The following SLC9B2 variants were observed in gnomAD, a reference collection of about 807,000 sequenced individuals.
SLC9B2 encodes solute carrier family 9 member B2.
In SLC9B2, 39 loss-of-function variants were observed where a neutral mutation model predicts 52.2. The ratio of observed to expected loss-of-function variants is 0.75; its 90% CI spans 0.58 to 0.98. SLC9B2 has a LOEUF of 0.98. SLC9B2 is among the 50% of genes least tolerant of loss of function. SLC9B2 has a pLI of 0.00. For synonymous variants in SLC9B2, 214 were observed against 227.0 expected (o/e 0.94, Z 0.51); for missense variants, 626 against 637.5 (o/e 0.98, Z 0.19).
intron 6 of SLC9B2, chr4:103,048,561 A>G (rs1340874207): frequency 5.8e-6 from 1 of 173,530 alleles, no homozygotes; most frequent in African/African-American, 2.4e-5. Context: ...GGAGGAAAAC[A>G]ATAGTAGCTG....
chr4:103,038,771 C>T (rs543516856), intron 9 of SLC9B2, among the ~76,000 whole-genome samples: 16 of 151,676 alleles, frequency 1.1e-4, no homozygotes, highest in African/African-American at 2.9e-4. Flanking sequence ...TCCAAAATAC[C>T]GTATCAACAA....
At chr4:103,065,493 A>G (rs1366994282) in intron 3 of SLC9B2, 4 of 152,202 alleles carry the variant, frequency 2.6e-5, no homozygotes, top group Non-Finnish European at 5.9e-5. Context: ...AATACATACA[A>G]TTTTATCTAT....
In SLC9B2 at chr4:103,050,234, T is replaced by C. The variant is rs1744544954; in HGVS notation, c.585+6A>G. 1.2e-5 allele frequency: 19 copies of C among 1,563,764 alleles called. No homozygotes were observed. The highest frequency in any genetic ancestry group is 2.3e-5 in the East Asian group (1 of 42,914). ...TATTTAATAATGAGAAATTTACATT[T>C]CATACCTTTGAATCCAGACCAAGGC... On this transcript the variant is annotated splice_donor_region_variant and intron_variant, in intron 5 of 11. Coordinates refer to ENST00000394785, the MANE Select transcript of SLC9B2 (RefSeq NM_178833.7).
chr4:103,019,548 G>C, downstream of SLC9B2: 1 of 981,882 alleles, frequency 1.0e-6, no homozygotes, highest in Non-Finnish European at 1.2e-6. Flanking sequence ...GCAGACCCGG[G>C]ACTAGCGCCA....
intron 4 of SLC9B2, 43 bp downstream of exon 4, chr4:103,057,758 A>T: frequency 1.3e-6 from 2 of 1,542,654 alleles, no homozygotes; most frequent in Non-Finnish European, 1.7e-6. Context: ...TATCTTAAAA[A>T]TATAGTTTAC....
At chr4:103,058,140 C>T (rs1213218637) in intron 3 of SLC9B2, among the ~76,000 whole-genome samples, 169 bp from the exon 4 acceptor site, 1 of 152,180 alleles carries the variant, frequency 6.6e-6, no homozygotes, top group Non-Finnish European at 1.5e-5. Context: ...TAACTGCCAA[C>T]ATCTTAAGAA....
downstream of SLC9B2, chr4:103,020,361 A>T (rs1375545534): frequency 1.8e-5 from 8 of 448,222 alleles, no homozygotes; most frequent in Non-Finnish European, 3.6e-5. Context: ...TTTCAGTCCC[A>T]AAGTTTCCAG....
At chr4:103,050,182 C>T (rs1382854108) in intron 5 of SLC9B2, 58 bp downstream of exon 5, 1 of 1,445,086 alleles carries the variant, frequency 6.9e-7, no homozygotes, top group South Asian at 1.5e-5. Context: ...CTGTTAGATA[C>T]CTGAAGCATT....
chr4:103,026,583 T>C lies in SLC9B2; in HGVS notation c.1401A>G (p.Ile467Met). ...TTGCTGTGTCCAAAGCCACAGATCCTATTGCAGCCTATAAAAGTTTAAGGG... is the reference window on the plus strand; with the variant it reads ...TTGCTGTGTCCAAAGCCACAGATCCCATTGCAGCCTATAAAAGTTTAAGGG... ...WLPKATVQAAIGSVALDTARS... is the reference protein window; with the variant it reads ...WLPKATVQAAMGSVALDTARS... Residue 467 changes from isoleucine to methionine, a missense_variant, in exon 12 of 12, where the codon ATA (isoleucine) becomes ATG (methionine). By Grantham distance (10) the Ile-to-Met change is conservative. Coordinates refer to ENST00000394785, the MANE Select transcript of SLC9B2 (RefSeq NM_178833.7). 1 of 1,610,068 alleles carries C rather than the reference T, an allele frequency of 6.2e-7. No individual in the cohort carries two copies. Among genetic ancestry groups the C allele is most frequent in the Non-Finnish European group, 8.5e-7 (1 of 1,177,588 alleles).
chr4:103,068,386 T>C (rs1578482912), intron 1 of SLC9B2, among the ~76,000 whole-genome samples: 1 of 152,176 alleles, frequency 6.6e-6, no homozygotes, highest in African/African-American at 2.4e-5. Flanking sequence ...CAGTTCTACA[T>C]ATGAGATTTA....
At chr4:103,019,544 C>G (rs1037842821), downstream of SLC9B2, 2 of 981,954 alleles carry the variant, frequency 2.0e-6, no homozygotes, top group Non-Finnish European at 2.4e-6. Context: ...CGCGGCAGAC[C>G]CGGGACTAGC....
chr4:103,068,121 T>C (rs930783055), intron 1 of SLC9B2, among the ~76,000 whole-genome samples: 3 of 152,260 alleles, frequency 2.0e-5, no homozygotes, highest in Non-Finnish European at 4.4e-5. Context: ...ATGAGTGCTA[T>C]GGTAGTCACT....
chr4:103,071,027 C>T (rs192127254), intron 1 of SLC9B2, among the ~76,000 whole-genome samples: 78 of 151,882 alleles, frequency 5.1e-4, no homozygotes, highest in Non-Finnish European at 2.9e-5. Flanking sequence ...AGAATATAAG[C>T]AGTTTGATAT....
intron 1 of SLC9B2, among the ~76,000 whole-genome samples, chr4:103,074,720 G>T (rs780385745): frequency 6.6e-6 from 1 of 152,034 alleles, no homozygotes; most frequent in African/African-American, 2.4e-5. Flanking sequence ...AAGAAAAGTT[G>T]GACTTATAAA....
intron 4 of SLC9B2, among the ~76,000 whole-genome samples, chr4:103,052,964 CAT>C (rs999984324): frequency 2.0e-5 from 3 of 152,124 alleles, no homozygotes; most frequent in Non-Finnish European, 4.4e-5. Flanking sequence ...TGATTTGGCA[CAT>C]GTCCCCACTC....
chr4:103,047,409 A>G (rs549150583), intron 6 of SLC9B2, among the ~76,000 whole-genome samples, 183 bp from the exon 7 acceptor site: 6 of 145,094 alleles, frequency 4.1e-5, no homozygotes, highest in African/African-American at 1.5e-4. Context: ...TTTTTTTATT[A>G]TACTTTAAGT....
intron 3 of SLC9B2, among the ~76,000 whole-genome samples, chr4:103,065,140 T>G (rs1156659846): frequency 6.7e-6 from 1 of 150,326 alleles, no homozygotes; most frequent in Admixed American, 6.7e-5. Flanking sequence ...TCTCTAGACT[T>G]TAAATCTGAA....
intron 3 of SLC9B2, among the ~76,000 whole-genome samples, chr4:103,062,076 T>C (rs1050701887): frequency 6.6e-6 from 1 of 152,194 alleles, no homozygotes; most frequent in African/African-American, 2.4e-5. Flanking sequence ...TTATACTTTA[T>C]CATAGCATAA....
At position 103,047,542 on chromosome 4, in the gene SLC9B2, C is replaced by G. The variant is rs113320650; in HGVS notation, c.714-316G>C. ...ATATCTCCTAATGCTATCCCTCCCC[C>G]CCTCCCCCCACCCCACAACAGGCCC... On this transcript the variant is annotated intron_variant, in intron 6 of 11. Transcript: ENST00000394785. 4.1e-5 allele frequency among the ~76,000 whole-genome samples: 5 copies of G among 122,496 alleles called. No homozygotes were observed. The East Asian group carries it at 8.7e-4, about 21-fold the overall frequency. 80.4% of individuals were successfully genotyped at this position (122,496 alleles called of 152,430 possible). A position where few individuals can be genotyped will look rare whatever the true frequency, so the allele number is the denominator to read the frequency against.
Sources: allele counts gnomAD v4.1 joint callset (sites outside exome capture counted in the v4.1 genomes callset), GRCh38; gene constraint gnomAD v4.1.1; transcripts MANE v1.5; gene names NCBI Gene and HGNC (gene_info 2026-07-23, HGNC 2026-07-21).